The following PGM3 variants were observed in gnomAD, a reference collection of about 807,000 sequenced individuals.
PGM3 encodes the protein phosphoglucomutase 3.
Under a neutral mutation model 66.2 loss-of-function variants are expected in PGM3, and 40 were observed. That is an observed-to-expected ratio of 0.60 (90% CI 0.47 to 0.79). The LOEUF is 0.79. PGM3 is among the 30% of genes least tolerant of loss of function. The pLI is 0.00. For synonymous variants in PGM3, 191 were observed against 224.2 expected (o/e 0.85, Z 1.32); for missense variants, 537 against 643.4 (o/e 0.83, Z 1.79).
the PGM3 span, among the ~76,000 whole-genome samples, chr6:83,150,449 T>C: frequency 6.6e-6 from 1 of 152,238 alleles, no homozygotes; most frequent in African/African-American, 2.4e-5. Flanking sequence ...TTTCAACATG[T>C]GCATATTCTG....
At chr6:83,181,674 A>C in intron 6 of PGM3, 62 bp downstream of exon 6, 3 of 1,128,132 alleles carry the variant, frequency 2.7e-6, no homozygotes, top group Non-Finnish European at 3.9e-6. Flanking sequence ...ACCTTAGTTT[A>C]TAAGTGAGAT....
intron 5 of PGM3, among the ~76,000 whole-genome samples, 195 bp from the exon 6 acceptor site, chr6:83,182,126 TG>T (rs1482871486): frequency 6.6e-6 from 1 of 152,226 alleles, no homozygotes; most frequent in Non-Finnish European, 1.5e-5. Context: ...TAAAAACACC[TG>T]GAACAACAGA....
At position 83,168,200 on chromosome 6, in the gene PGM3, A is replaced by G; in HGVS notation, c.*1034T>C. The G allele has an allele frequency of 6.3e-7, 1 of 1,579,440 alleles. No homozygotes were observed. The highest frequency in any genetic ancestry group is 8.6e-7 in the Non-Finnish European group (1 of 1,166,170). On this transcript the variant is annotated 3_prime_UTR_variant, in exon 13 of 13. Coordinates refer to ENST00000513973, the MANE Select transcript of PGM3 (RefSeq NM_015599.3). The stretch of plus-strand genomic sequence containing the variant: ...TGCTGGTTCCATTTAGCTTACATGT[A>G]AATGTAATTATTTAAAACACACACA...
chr6:83,153,281 T>C, the PGM3 span: 1 of 309,622 alleles, frequency 3.2e-6, no homozygotes. Flanking sequence ...TGTACTTCCC[T>C]ATCTCAGTTG....
intron 4 of PGM3, 40 bp downstream of exon 4, chr6:83,186,968 T>A (rs1788627826): frequency 8.8e-7 from 1 of 1,137,154 alleles, no homozygotes; most frequent in Non-Finnish European, 1.3e-6. Context: ...TAAAGTTTTT[T>A]AAATATTAGT....
Position 83,191,240 on chromosome 6 carries a change from A to G in PGM3, c.-2-226T>C, listed in dbSNP as rs373825865. ...CCACTCCTGGGCAGACTCAGGGCAG[A>G]TAGCAGATTGTCCCCACTCTCCTCC... On this transcript the variant is annotated intron_variant, in intron 1 of 12. Transcript: ENST00000513973. 116 of 1,535,386 alleles carry G rather than the reference A, an allele frequency of 7.6e-5. 1 individual carries two copies. The African/African-American group carries it at 1.3e-3, about 18-fold the overall frequency.
the PGM3 span, chr6:83,148,708 T>C: frequency 8.1e-7 from 1 of 1,235,568 alleles, no homozygotes; most frequent in South Asian, 1.5e-5. Context: ...CACAAACTAG[T>C]AGAAAACCAT....
Position 83,191,003 on chromosome 6 carries a change from C to G in PGM3, c.10G>C (p.Gly4Arg). 1 of 1,612,520 alleles carries G rather than the reference C, an allele frequency of 6.2e-7. No individual in the cohort carries two copies. The highest frequency in any genetic ancestry group is 1.1e-5 in the South Asian group (1 of 91,044). The change falls in exon 2 of 13, where the codon GGT becomes CGT. Residue 4 changes from glycine to arginine, a missense_variant. By Grantham distance (125) the Gly-to-Arg change is moderately radical. Transcript: ENST00000513973. ...AATGCTGAGTATTTTGTAATAGCAC[C>G]TAAATCCATGTCTACAAAATTAAGA... The part of the protein sequence containing the change: MDL[G>R]AITKYSALHA...
At chr6:83,193,571 G>A (rs1013135926), upstream of PGM3, 2 of 152,220 alleles carry the variant, frequency 1.3e-5, no homozygotes, top group Non-Finnish European at 2.9e-5. Context: ...TGCGTTCCTG[G>A]GAAGCCGGGG....
At chr6:83,152,361 C>A in the PGM3 span, 1 of 1,505,886 alleles carries the variant, frequency 6.6e-7, no homozygotes, top group Non-Finnish European at 8.9e-7. Flanking sequence ...TGACATTACT[C>A]TCTGAGGTAA....
intron 1 of PGM3, among the ~76,000 whole-genome samples, chr6:83,191,952 C>A: frequency 1.3e-5 from 1 of 79,544 alleles, no homozygotes; most frequent in Non-Finnish European, 2.5e-5. Context: ...AAGGGAGACT[C>A]GGTCTCAAAA....
chr6:83,148,705 T>C, the PGM3 span: 1 of 1,197,454 alleles, frequency 8.4e-7, no homozygotes, highest in South Asian at 1.5e-5. Context: ...TTCCACAAAC[T>C]AGTAGAAAAC....
chr6:83,188,395 G>C (rs1400887207), intron 3 of PGM3: 1 of 438,062 alleles, frequency 2.3e-6, no homozygotes, highest in African/African-American at 1.9e-5. Context: ...TCTGCAGCTT[G>C]GGTTTTGGAG....
rs1354339678 is a variant in PGM3 at position 83,166,110 on chromosome 6, T to C, written c.*3124A>G. ...AGAGAAATGATTCATTATTGTTGCA[T>C]AGAATAGAGAAAATGACACTTCAAA... On this transcript the variant is annotated 3_prime_UTR_variant, in exon 13 of 13. Coordinates refer to ENST00000513973, the MANE Select transcript of PGM3 (RefSeq NM_015599.3). The C allele has an allele frequency of 2.4e-5, 10 of 415,952 alleles. No homozygotes were observed. Among genetic ancestry groups the C allele is most frequent in the African/African-American group, 8.0e-5 (4 of 49,826 alleles). The allele number at this position is 415,952 out of a possible 1,614,324, so 25.8% of individuals were successfully genotyped here. A position where few individuals can be genotyped will look rare whatever the true frequency, so the allele number is the denominator to read the frequency against.
chr6:83,191,119 C>G, intron 1 of PGM3, 105 bp from the exon 2 acceptor site: 1 of 1,460,002 alleles, frequency 6.8e-7, no homozygotes, highest in South Asian at 1.2e-5. Context: ...TCATCCTGAA[C>G]CTCCTCAAAG....
intron 7 of PGM3, 148 bp downstream of exon 7, chr6:83,179,662 G>A (rs1788031383): frequency 1.8e-6 from 1 of 545,866 alleles, no homozygotes; most frequent in Non-Finnish European, 3.1e-6. Flanking sequence ...CAAATGACTG[G>A]GTATTACCAC....
chr6:83,160,105 A>T, downstream of PGM3: 1 of 774,292 alleles, frequency 1.3e-6, no homozygotes, highest in South Asian at 1.9e-5. Flanking sequence ...GGCACAGCAG[A>T]GTTATCGGAA....
rs1346629437 is a variant in PGM3 at position 83,167,984 on chromosome 6, A to G, written c.*1250T>C. On this transcript the variant is annotated 3_prime_UTR_variant, in exon 13 of 13. Transcript: ENST00000513973. ...TGCCGTTCTTCAATGTGCTCAGTCAAGTCTTCAACAGCAAAGTCACAAGCC... is the reference window on the plus strand; with the variant it reads ...TGCCGTTCTTCAATGTGCTCAGTCAGGTCTTCAACAGCAAAGTCACAAGCC... 1 of 1,614,190 alleles carries G rather than the reference A, an allele frequency of 6.2e-7. No homozygotes were observed.
At chr6:83,190,012 A>G (rs1360753907) in intron 2 of PGM3, among the ~76,000 whole-genome samples, 1 of 152,240 alleles carries the variant, frequency 6.6e-6, no homozygotes, top group African/African-American at 2.4e-5. Flanking sequence ...GCCAATGGGC[A>G]TAAACTTGCA....
Sources: allele counts gnomAD v4.1 joint callset (sites outside exome capture counted in the v4.1 genomes callset), GRCh38; gene constraint gnomAD v4.1.1; transcripts MANE v1.5; gene names NCBI Gene and HGNC (gene_info 2026-07-23, HGNC 2026-07-21).